PHC3: variants seen among roughly 807,000 people sequenced by gnomAD.
PHC3 encodes the protein polyhomeotic homolog 3.
PHC3 carries 13 observed loss-of-function variants against 107.4 expected under a neutral mutation model. That is an observed-to-expected ratio of 0.12 (90% CI 0.08 to 0.19). PHC3 has a LOEUF of 0.19. Ranked by LOEUF, PHC3 falls within the 10% of genes least tolerant of loss-of-function variation. The probability of loss-of-function intolerance (pLI) is 1.00; values close to 1 mark genes in which losing one functional copy is unlikely to be tolerated. For missense variants in PHC3, 992 were observed against 1,210.9 expected (o/e 0.82, Z 2.68); for synonymous variants, 456 against 427.4 (o/e 1.07, Z -0.83).
chr3:170,140,751 C>A (rs754647996), intron 6 of PHC3, among the ~76,000 whole-genome samples: 6 of 151,380 alleles, frequency 4.0e-5, no homozygotes, highest in African/African-American at 1.5e-4. Flanking sequence ...ATACCCACCA[C>A]CACACCTAGC....
intron 6 of PHC3, among the ~76,000 whole-genome samples, chr3:170,138,811 C>T (rs1418017342): frequency 6.6e-6 from 1 of 152,124 alleles, no homozygotes; most frequent in East Asian, 1.9e-4. Context: ...GTTTCTAGTC[C>T]TCCAGCCTAC....
intron 4 of PHC3, among the ~76,000 whole-genome samples, chr3:170,163,346 G>A (rs914405283): frequency 6.6e-6 from 1 of 152,020 alleles, no homozygotes; most frequent in Non-Finnish European, 1.5e-5. Flanking sequence ...GGGCCAAAAT[G>A]CAACAAGGAA....
At chr3:170,106,137 G>A (rs1353735177) in intron 12 of PHC3, among the ~76,000 whole-genome samples, 1 of 152,182 alleles carries the variant, frequency 6.6e-6, no homozygotes, top group East Asian at 1.9e-4. Context: ...TCTTGAGACT[G>A]GGTGGTGGAG....
At chr3:170,141,334 A>C (rs1724071380) in intron 6 of PHC3, among the ~76,000 whole-genome samples, 1 of 152,192 alleles carries the variant, frequency 6.6e-6, no homozygotes, top group Non-Finnish European at 1.5e-5. Context: ...AAATTCCTAA[A>C]GTTCAATCCA....
intron 1 of PHC3, 35 bp downstream of exon 1, chr3:170,181,667 C>A (rs753172318): frequency 5.6e-6 from 9 of 1,613,288 alleles, no homozygotes; most frequent in Non-Finnish European, 7.6e-6. Flanking sequence ...CTCGCCCCCC[C>A]TAGTTACGAC....
chr3:170,149,378 T>C (rs1411854047), intron 4 of PHC3, 134 bp from the exon 5 acceptor site: 1 of 699,436 alleles, frequency 1.4e-6, no homozygotes, highest in Non-Finnish European at 2.2e-6. Context: ...GCCTTTATCT[T>C]TGACAGACCC....
intron 2 of PHC3, among the ~76,000 whole-genome samples, chr3:170,177,832 T>A (rs1730723073): frequency 6.7e-6 from 1 of 149,154 alleles, no homozygotes; most frequent in Non-Finnish European, 1.5e-5. Context: ...CACCATGCCC[T>A]GCTGATTTTT....
At chr3:170,147,021 T>A (rs1217466196) in intron 5 of PHC3, among the ~76,000 whole-genome samples, 9 of 151,770 alleles carry the variant, frequency 5.9e-5, no homozygotes, top group African/African-American at 2.2e-4. Context: ...CAGCTGGGAT[T>A]ACAAGCGTGA....
At chr3:170,117,035 T>G in intron 10 of PHC3, 191 bp downstream of exon 10, 1 of 722,838 alleles carries the variant, frequency 1.4e-6, no homozygotes, top group Non-Finnish European at 2.1e-6. Flanking sequence ...TTTATGCATC[T>G]AAACTTAGCT....
intron 1 of PHC3, among the ~76,000 whole-genome samples, chr3:170,179,188 T>C (rs1731002198): frequency 6.6e-6 from 1 of 152,198 alleles, no homozygotes; most frequent in Non-Finnish European, 1.5e-5. Flanking sequence ...AGATAACGCA[T>C]AGCCAAAAGT....
At position 170,151,168 on chromosome 3, in the gene PHC3, G is replaced by A. The variant is rs909888741; in HGVS notation, c.415-1924C>T. Among the ~76,000 whole-genome samples the A allele has an allele frequency of 2.6e-5, 4 of 152,020 alleles. No homozygotes were observed. The East Asian group carries it at 5.8e-4, about 22-fold the overall frequency. ...GGAGGTTGCAGTGACCCAAGATCAC[G>A]CCACTACACTCCAGCCTGGGCAACA... On this transcript the variant is annotated intron_variant, in intron 4 of 14. Transcript: ENST00000495893.
In PHC3 at chr3:170,097,508, A is replaced by C; in HGVS notation, c.2834-124T>G. On this transcript the variant is annotated intron_variant, in intron 14 of 14. Transcript: ENST00000495893. The surrounding 1 kb of genome is among the most constrained non-coding windows in gnomAD (Gnocchi z 4.1). ...TGAAATACAGGCTGAGAAACAAATG[A>C]AATTTATTTATGGTAGTCTTGAGTT... 2 of 897,162 alleles carry C rather than the reference A, an allele frequency of 2.2e-6. No homozygotes were observed. The highest frequency in any genetic ancestry group is 3.1e-5 in the South Asian group (1 of 32,446). 55.6% of individuals were successfully genotyped at this position (897,162 alleles called of 1,614,324 possible).
At chr3:170,130,941 G>A (rs1199042748) in intron 7 of PHC3, among the ~76,000 whole-genome samples, 1 of 151,660 alleles carries the variant, frequency 6.6e-6, no homozygotes, top group Admixed American at 6.6e-5. Context: ...GGAATATTAG[G>A]AGAAAGACTA....
Position 170,145,287 on chromosome 3 carries a change from A to T in PHC3, c.672+136T>A, listed in dbSNP as rs193218465. 575 of 581,928 alleles carry T rather than the reference A, an allele frequency of 9.9e-4. 1 individual carries two copies. Among genetic ancestry groups the T allele is most frequent in the Non-Finnish European group, 2.2e-4 (77 of 347,088 alleles). 36.0% of individuals were successfully genotyped at this position (581,928 alleles called of 1,614,324 possible). A position where few individuals can be genotyped will look rare whatever the true frequency, so the allele number is the denominator to read the frequency against. On this transcript the variant is annotated intron_variant, in intron 6 of 14. Transcript: ENST00000495893. The stretch of plus-strand genomic sequence containing the variant: ...AACATTTTCTTGAAGTTCTCATTGT[A>T]TTTTATTAAATTTCAATCTGAAATG...
At chr3:170,175,929 A>C (rs2108776321) in intron 2 of PHC3, among the ~76,000 whole-genome samples, 1 of 149,934 alleles carries the variant, frequency 6.7e-6, no homozygotes, top group East Asian at 2.0e-4. Context: ...GTCTCAAAAA[A>C]AAAAAAAACA....
intron 12 of PHC3, among the ~76,000 whole-genome samples, chr3:170,105,138 T>G (rs1205705275): frequency 6.6e-6 from 1 of 152,220 alleles, no homozygotes; most frequent in Non-Finnish European, 1.5e-5. Flanking sequence ...GCATTAAGTG[T>G]TCTCAAATAT....
intron 7 of PHC3, among the ~76,000 whole-genome samples, chr3:170,134,565 G>A (rs1385882039): frequency 2.0e-5 from 3 of 152,008 alleles, no homozygotes; most frequent in Non-Finnish European, 4.4e-5. Context: ...TCTAAGTATA[G>A]TGATACCTAA....
intron 12 of PHC3, among the ~76,000 whole-genome samples, chr3:170,103,572 C>A (rs1715894775): frequency 6.6e-6 from 1 of 152,114 alleles, no homozygotes; most frequent in Non-Finnish European, 1.5e-5. Context: ...TGAACATAGA[C>A]CTTTATAAGA....
chr3:170,174,771 T>C (rs1289883459), intron 2 of PHC3, among the ~76,000 whole-genome samples: 1 of 152,218 alleles, frequency 6.6e-6, no homozygotes, highest in Non-Finnish European at 1.5e-5. Context: ...TACAAATTTC[T>C]GTCACAAAAT....
Sources: allele counts gnomAD v4.1 joint callset (sites outside exome capture counted in the v4.1 genomes callset), GRCh38; gene constraint gnomAD v4.1.1; non-coding constraint Gnocchi (gnomAD v3.1); transcripts MANE v1.5; gene names NCBI Gene and HGNC (gene_info 2026-07-23, HGNC 2026-07-21).